Variants in HDAC9 observed in about 807,000 individuals in gnomAD.
The protein encoded by HDAC9 is histone deacetylase 9.
Under a neutral mutation model 139.4 loss-of-function variants are expected in HDAC9, and 41 were observed. That is an observed-to-expected ratio of 0.29 (90% CI 0.23 to 0.38). The LOEUF is 0.38. Among genes scored for constraint, HDAC9 ranks in the 10% least tolerant of loss-of-function variants. The probability of loss-of-function intolerance (pLI) is 1.00; values close to 1 mark genes in which losing one functional copy is unlikely to be tolerated. For missense variants in HDAC9, 1,147 were observed against 1,297.0 expected (o/e 0.88, Z 1.78); for synonymous variants, 517 against 476.2 (o/e 1.09, Z -1.12).
Position 18,433,623 on chromosome 7 carries a change from A to C in HDAC9, c.-41-62639A>C, listed in dbSNP as rs541443436. Among the ~76,000 whole-genome samples, 3 of 152,258 alleles carry C rather than the reference A, an allele frequency of 2.0e-5. No individual in the cohort carries two copies. The East Asian group carries it at 5.8e-4, about 29-fold the overall frequency. On this transcript the variant is annotated intron_variant, in intron 1 of 3. Transcript: ENST00000413509. ...TCAGTAGCACTTCTGTACACCAACA[A>C]CATCCAAGCTGAGAACCAAATCAAG...
At chr7:18,634,555 C>A in intron 7 of HDAC9, 72 bp from the exon 8 acceptor site, 1 of 888,824 alleles carries the variant, frequency 1.1e-6, no homozygotes, top group Non-Finnish European at 1.8e-6. Context: ...CCCAATGTTA[C>A]ATGTTACAGT....
chr7:18,872,629 G>A (rs533369096), intron 21 of HDAC9, among the ~76,000 whole-genome samples: 1 of 152,078 alleles, frequency 6.6e-6, no homozygotes, highest in Non-Finnish European at 1.5e-5. Context: ...CTTCTCTGTA[G>A]GCACTTATAC....
chr7:18,671,110 A>G (rs1374552536), intron 12 of HDAC9, among the ~76,000 whole-genome samples: 3 of 152,104 alleles, frequency 2.0e-5, no homozygotes, highest in Middle Eastern at 3.4e-3. Flanking sequence ...TAACGCAAAG[A>G]AAGTCCAGTT....
intron 1 of HDAC9, among the ~76,000 whole-genome samples, chr7:18,376,069 G>A (rs1278545090): frequency 2.0e-5 from 3 of 152,160 alleles, no homozygotes; most frequent in Non-Finnish European, 4.4e-5. Flanking sequence ...GGAGCCAAGA[G>A]ATCTTTGTGA....
intron 22 of HDAC9, among the ~76,000 whole-genome samples, chr7:18,924,431 G>A (rs1025603796): frequency 1.3e-5 from 2 of 151,982 alleles, no homozygotes; most frequent in Non-Finnish European, 2.9e-5. Context: ...CCTGAACCTC[G>A]ACTTATGGCA....
intron 2 of HDAC9, among the ~76,000 whole-genome samples, chr7:18,254,816 G>C (rs1795129875): frequency 1.3e-5 from 2 of 152,170 alleles, no homozygotes; most frequent in South Asian, 4.1e-4. Flanking sequence ...ATTAAGTGCA[G>C]TAATACTAAG....
chr7:18,098,660 T>C (rs1308627652), intron 1 of HDAC9, among the ~76,000 whole-genome samples: 1 of 152,224 alleles, frequency 6.6e-6, no homozygotes, highest in Non-Finnish European at 1.5e-5. Flanking sequence ...TTGTCTATAC[T>C]AGATTTTCAT....
intron 25 of HDAC9, among the ~76,000 whole-genome samples, chr7:18,990,941 G>C (rs541525883): frequency 1.3e-5 from 2 of 152,346 alleles, no homozygotes; most frequent in East Asian, 1.9e-4. Flanking sequence ...TGCGCCCACT[G>C]TCTGGCACTC....
intron 25 of HDAC9, among the ~76,000 whole-genome samples, chr7:18,986,255 T>G (rs1785340462): frequency 2.5e-4 from 2 of 8,152 alleles, no homozygotes; most frequent in East Asian, 1.3e-3. Flanking sequence ...GTATAAGGTG[T>G]AAGGAAGGGA....
intron 1 of HDAC9, among the ~76,000 whole-genome samples, chr7:18,438,133 T>G (rs1273369620): frequency 6.7e-6 from 1 of 150,362 alleles, no homozygotes; most frequent in African/African-American, 2.5e-5. Context: ...ATAAATAGTA[T>G]ATAAGTTCTC....
chr7:18,671,802 A>T (rs996108038), intron 12 of HDAC9, among the ~76,000 whole-genome samples: 2 of 151,970 alleles, frequency 1.3e-5, no homozygotes, highest in Non-Finnish European at 2.9e-5. Flanking sequence ...TGGATATTTC[A>T]TATAAATGAA....
At chr7:18,588,343 G>A (rs1029925106) in intron 3 of HDAC9, among the ~76,000 whole-genome samples, 15 of 152,012 alleles carry the variant, frequency 9.9e-5, no homozygotes, top group African/African-American at 1.7e-4. Context: ...TGAAATGCCC[G>A]GGACCAGAAA....
intron 1 of HDAC9, among the ~76,000 whole-genome samples, chr7:18,099,839 C>A (rs1280973573): frequency 6.6e-6 from 1 of 152,052 alleles, no homozygotes; most frequent in Non-Finnish European, 1.5e-5. Context: ...TTACTACATT[C>A]GTATTTTATT....
At chr7:18,255,659 C>T (rs370275385) in intron 2 of HDAC9, among the ~76,000 whole-genome samples, 24 of 124,854 alleles carry the variant, frequency 1.9e-4, no homozygotes, top group African/African-American at 4.8e-4. Context: ...GATGGAGTCT[C>T]GCCCTGTTGC....
chr7:18,294,871 G>A (rs1412150237), intron 1 of HDAC9, among the ~76,000 whole-genome samples: 6 of 152,150 alleles, frequency 3.9e-5, no homozygotes, highest in African/African-American at 1.4e-4. Context: ...TGTAGGGGCA[G>A]TGGACAGAGT....
At position 18,733,090 on chromosome 7, in the gene HDAC9, T is replaced by C. The variant is rs144247360; in HGVS notation, c.1909+5333T>C. On this transcript the variant is annotated intron_variant, in intron 13 of 25. Transcript: ENST00000686413. ...GTATATACACATGTATACACATATA[T>C]ACATGTGTATATATACATATATATG... is the stretch of plus-strand genomic sequence containing the variant. Among the ~76,000 whole-genome samples, 980 of 146,076 alleles carry C rather than the reference T, an allele frequency of 6.7e-3. 15 individuals are homozygous for C. The highest frequency in any genetic ancestry group is 0.022 in the African/African-American group (879 of 39,694).
At chr7:18,263,039 T>A (rs866281568) in intron 2 of HDAC9, among the ~76,000 whole-genome samples, 3 of 152,036 alleles carry the variant, frequency 2.0e-5, no homozygotes, top group Admixed American at 6.6e-5. Context: ...TATTAAATAG[T>A]CCAATAAAAA....
intron 1 of HDAC9, among the ~76,000 whole-genome samples, chr7:18,348,246 C>T (rs535891448): frequency 1.3e-5 from 2 of 152,114 alleles, no homozygotes; most frequent in African/African-American, 4.8e-5. Flanking sequence ...GCAATGTCAG[C>T]GATTAAGAGG....
At chr7:18,582,145 T>C (rs1050508374) in intron 2 of HDAC9, among the ~76,000 whole-genome samples, 1 of 152,208 alleles carries the variant, frequency 6.6e-6, no homozygotes, top group African/African-American at 2.4e-5. Context: ...TAGCCTTTTT[T>C]TACTCACTGA....
Sources: allele counts gnomAD v4.1 joint callset (sites outside exome capture counted in the v4.1 genomes callset), GRCh38; gene constraint gnomAD v4.1.1; transcripts MANE v1.5; gene names NCBI Gene and HGNC (gene_info 2026-07-23, HGNC 2026-07-21).